RAB3C: variants seen among roughly 807,000 people sequenced by gnomAD.
RAB3C encodes ras-related protein Rab-3C.
A neutral mutation model predicts 26.4 loss-of-function variants in RAB3C; 17 were observed. The observed-to-expected ratio is 0.64, with a 90% CI of 0.44 to 0.97. The LOEUF is 0.97. Among genes scored for constraint, RAB3C ranks in the 50% least tolerant of loss-of-function variants. RAB3C has a pLI of 0.00. For missense variants in RAB3C, 242 were observed against 281.9 expected, an observed-to-expected ratio of 0.86 and a Z score of 1.01; for synonymous variants, 91 against 95.9, an observed-to-expected ratio of 0.95 and a Z score of 0.30.
rs867525396 is a variant in RAB3C, at chr5:58,663,024, A to G, written c.252+45154A>G. Among the ~76,000 whole-genome samples the G allele has an allele frequency of 9.3e-5, 14 of 150,332 alleles. 3 individuals carry two copies. Among genetic ancestry groups the G allele is most frequent in the African/African-American group, 3.5e-4 (14 of 39,684 alleles). ...CACGGAATTGCTTGCCATTGAAGAA[A>G]GAGCTGTTTATGTTTCTTTTGTGTC... is the stretch of plus-strand genomic sequence containing the variant. On this transcript the variant is annotated intron_variant, in intron 2 of 4. Transcript: ENST00000282878.
intron 2 of RAB3C, among the ~76,000 whole-genome samples, chr5:58,675,266 G>GCATATATCTCTTACATGGCA (rs1561285788): frequency 2.0e-4 from 30 of 151,642 alleles, no homozygotes; most frequent in African/African-American, 2.9e-4. Flanking sequence ...CTTACATGGC[G>GCATATATCTCTTACATGGCA]TTGCATATAT....
rs143706417 is a variant in RAB3C at position 58,605,929 on chromosome 5, G to A, written c.25-11714G>A. Among the ~76,000 whole-genome samples, 492 of 152,208 alleles carry A rather than the reference G, an allele frequency of 3.2e-3. 8 individuals carry two copies. The highest frequency in any genetic ancestry group is 0.028 in the East Asian group (143 of 5,156). ...TCAAAAAATAAAAAAGAGGTCTTCC[G>A]TTCCAAGATGGCCAAATAGGAACAG... is the stretch of plus-strand genomic sequence containing the variant. On this transcript the variant is annotated intron_variant, in intron 1 of 4. Coordinates refer to ENST00000282878, the MANE Select transcript of RAB3C (RefSeq NM_138453.4).
chr5:58,772,718 G>A (rs1310654909), intron 3 of RAB3C, among the ~76,000 whole-genome samples: 2 of 152,128 alleles, frequency 1.3e-5, no homozygotes, highest in South Asian at 2.1e-4. Context: ...CCAGATGACT[G>A]CATTTCAGCA....
intron 2 of RAB3C, among the ~76,000 whole-genome samples, chr5:58,640,783 A>G (rs1422234127): frequency 6.6e-6 from 1 of 152,202 alleles, no homozygotes; most frequent in Non-Finnish European, 1.5e-5. Flanking sequence ...ATCACACTTA[A>G]CATCATTTTA....
chr5:58,751,119 G>T (rs1741514472), intron 3 of RAB3C, among the ~76,000 whole-genome samples: 1 of 152,120 alleles, frequency 6.6e-6, no homozygotes, highest in African/African-American at 2.4e-5. Context: ...CTCCCAAAGT[G>T]CTGGGATTAC....
chr5:58,608,419 CA>C (rs1746617648), intron 1 of RAB3C, among the ~76,000 whole-genome samples: 1 of 152,076 alleles, frequency 6.6e-6, no homozygotes, highest in Non-Finnish European at 1.5e-5. Context: ...TTTATGCAGC[CA>C]AAAGACACAT....
rs1224317796 is a variant in RAB3C at position 58,617,909 on chromosome 5, G to T, written c.252+39G>T. The T allele has an allele frequency of 8.4e-6, 11 of 1,307,846 alleles. No individual in the cohort carries two copies. In the African/African-American group the frequency reaches 8.7e-5, roughly 10 times the overall value. The allele number at this position is 1,307,846 out of a possible 1,614,324, so 81.0% of individuals were successfully genotyped here. ...AACTGGCAGTGTTCTTCAGGCTGGG[G>T]TGTTGAACATATCCATTTGTAAGGG... On this transcript the variant is annotated intron_variant, in intron 2 of 4. Coordinates refer to ENST00000282878, the MANE Select transcript of RAB3C (RefSeq NM_138453.4).
chr5:58,660,308 G>A (rs1370164271), intron 2 of RAB3C, among the ~76,000 whole-genome samples: 2 of 150,054 alleles, frequency 1.3e-5, no homozygotes, highest in South Asian at 2.1e-4. Context: ...GATTTGAAAA[G>A]TAAAAGATGA....
At chr5:58,634,454 G>A (rs2111754843) in intron 2 of RAB3C, among the ~76,000 whole-genome samples, 1 of 152,204 alleles carries the variant, frequency 6.6e-6, no homozygotes, top group Non-Finnish European at 1.5e-5. Context: ...TTCTTTATCT[G>A]TATAATGGGC....
At chr5:58,756,949 G>A (rs755917869) in intron 3 of RAB3C, among the ~76,000 whole-genome samples, 3 of 152,218 alleles carry the variant, frequency 2.0e-5, no homozygotes, top group Non-Finnish European at 4.4e-5. Context: ...AATCCTTTGG[G>A]TATATACCCA....
intron 4 of RAB3C, among the ~76,000 whole-genome samples, chr5:58,847,350 A>C (rs1246851694): frequency 6.6e-6 from 1 of 152,118 alleles, no homozygotes; most frequent in Non-Finnish European, 1.5e-5. Context: ...ACACTCTTCT[A>C]CCCAGTAGAT....
chr5:58,643,967 C>T (rs1747465412), intron 2 of RAB3C, among the ~76,000 whole-genome samples: 1 of 151,922 alleles, frequency 6.6e-6, no homozygotes, highest in South Asian at 2.1e-4. Flanking sequence ...ATTACAGGCA[C>T]CTGCCATGAT....
At chr5:58,752,904 G>C (rs921729581) in intron 3 of RAB3C, among the ~76,000 whole-genome samples, 4 of 152,018 alleles carry the variant, frequency 2.6e-5, no homozygotes, top group African/African-American at 9.7e-5. Context: ...CTAACTACTT[G>C]TAATGAATTA....
intron 1 of RAB3C, among the ~76,000 whole-genome samples, chr5:58,602,047 G>A (rs1027956387): frequency 6.6e-6 from 1 of 151,790 alleles, no homozygotes; most frequent in Non-Finnish European, 1.5e-5. Context: ...GATAGGTTGT[G>A]TCATTATTGT....
At chr5:58,666,970 C>T (rs948191355) in intron 2 of RAB3C, among the ~76,000 whole-genome samples, 2 of 152,106 alleles carry the variant, frequency 1.3e-5, no homozygotes, top group Non-Finnish European at 2.9e-5. Flanking sequence ...GGGAGACAAC[C>T]AATTGCCATT....
intron 2 of RAB3C, among the ~76,000 whole-genome samples, chr5:58,635,569 T>G (rs292986): frequency 0.76 from 116,323 of 152,138 alleles, 44,609 homozygotes; most frequent in East Asian, 0.83. Context: ...GACTAATTTT[T>G]TCCAGACCTA....
At chr5:58,733,964 C>G (rs1426918248) in intron 3 of RAB3C, among the ~76,000 whole-genome samples, 5 of 152,210 alleles carry the variant, frequency 3.3e-5, no homozygotes, top group Admixed American at 6.5e-5. Context: ...TTTTCTCCCC[C>G]TCTCTTATTT....
chr5:58,745,920 AAATG>A (rs556341373), intron 3 of RAB3C, among the ~76,000 whole-genome samples: 1 of 152,038 alleles, frequency 6.6e-6, no homozygotes, highest in African/African-American at 2.4e-5. Context: ...TTCAGTTGAC[AAATG>A]AATGAATGAA....
intron 2 of RAB3C, among the ~76,000 whole-genome samples, chr5:58,685,092 T>A (rs1170483733): frequency 6.6e-6 from 1 of 152,188 alleles, no homozygotes; most frequent in African/African-American, 2.4e-5. Flanking sequence ...TTATTGACCC[T>A]AACTTTCATG....
Sources: gnomAD v4.1 joint callset for allele counts (sites outside exome capture counted in the v4.1 genomes callset) on GRCh38, gnomAD v4.1.1 for gene constraint, MANE v1.5 for transcripts, NCBI Gene and HGNC (gene_info 2026-07-23, HGNC 2026-07-21) for gene names.